Variants in ROCK1 observed in about 807,000 individuals in gnomAD.
ROCK1 encodes rho-associated protein kinase 1.
In ROCK1, 36 loss-of-function variants were observed where a neutral mutation model predicts 196.8. The observed-to-expected ratio is 0.18, with a 90% CI of 0.14 to 0.24. ROCK1 has a LOEUF of 0.24. ROCK1 is among the 10% of genes least tolerant of loss of function. The pLI, the probability that ROCK1 is intolerant of heterozygous loss-of-function variation, is 1.00. For missense variants in ROCK1, 920 were observed against 1,562.0 expected (o/e 0.59, Z 6.93); for synonymous variants, 443 against 515.9 (o/e 0.86, Z 1.91).
chr18:21,032,685 A>ATTTT (rs539290410), intron 9 of ROCK1, among the ~76,000 whole-genome samples: 1 of 126,334 alleles, frequency 7.9e-6, no homozygotes. Flanking sequence ...ATGCCTGGCT[A>ATTTT]TTTTTTTTTT....
At chr18:21,049,758 T>C in intron 3 of ROCK1, 22 bp downstream of exon 3, 1 of 1,321,268 alleles carries the variant, frequency 7.6e-7, no homozygotes, top group Non-Finnish European at 1.1e-6. Context: ...AGTCCTTTTG[T>C]ATTCTCATTA....
intron 9 of ROCK1, among the ~76,000 whole-genome samples, chr18:21,036,648 A>G (rs1598537950): frequency 6.6e-6 from 1 of 151,960 alleles, no homozygotes; most frequent in Admixed American, 6.6e-5. Context: ...GGGTCTCGCA[A>G]CATTACCCAG....
intron 16 of ROCK1, among the ~76,000 whole-genome samples, chr18:21,004,695 A>G (rs2035753999): frequency 6.6e-6 from 1 of 152,208 alleles, no homozygotes; most frequent in African/African-American, 2.4e-5. Flanking sequence ...TTATAGAGGT[A>G]ACCTATTCTT....
intron 16 of ROCK1, among the ~76,000 whole-genome samples, chr18:21,004,508 AAACT>A (rs1245622813): frequency 6.6e-6 from 1 of 152,230 alleles, no homozygotes; most frequent in East Asian, 1.9e-4. Flanking sequence ...GAAAAAGAAT[AAACT>A]AACAATAAAT....
At chr18:21,110,217 T>A (rs975667308) in intron 1 of ROCK1, among the ~76,000 whole-genome samples, 8 of 152,140 alleles carry the variant, frequency 5.3e-5, no homozygotes, top group African/African-American at 1.9e-4. Context: ...TTGTAACCAA[T>A]AATACAATAA....
intron 1 of ROCK1, among the ~76,000 whole-genome samples, chr18:21,073,878 T>C (rs2036408227): frequency 6.6e-6 from 1 of 152,174 alleles, no homozygotes; most frequent in African/African-American, 2.4e-5. Context: ...TTAGGCCAGA[T>C]GCTGTGGCTC....
In ROCK1 at chr18:20,950,242, AT is replaced by A. The variant is rs1467530358; in HGVS notation, c.*1141del. 1 of 152,338 alleles carries A rather than the reference AT, an allele frequency of 6.6e-6. No individual in the cohort carries two copies. The highest frequency in any genetic ancestry group is 2.4e-5 in the African/African-American group (1 of 41,422). The allele number at this position is 152,338 out of a possible 1,614,324, so 9.4% of individuals were successfully genotyped here. On this transcript the variant is annotated 3_prime_UTR_variant, in exon 33 of 33. Transcript: ENST00000399799. ...TTTTTATGTTGGTGCAACCTTCTAC[AT>A]TTTTTGCAGTTTTATAAAGTCATTA...
At chr18:20,961,818 CTTTT>C (rs11334095) in intron 27 of ROCK1, among the ~76,000 whole-genome samples, 14 of 117,200 alleles carry the variant, frequency 1.2e-4, no homozygotes, top group South Asian at 2.7e-4. Flanking sequence ...TTTCTTTTTC[CTTTT>C]TTTTTTTTTT....
At chr18:20,986,349 C>G (rs1190842143) in intron 19 of ROCK1, among the ~76,000 whole-genome samples, 1 of 152,178 alleles carries the variant, frequency 6.6e-6, no homozygotes, top group African/African-American at 2.4e-5. Flanking sequence ...AATATTCCCT[C>G]TAGCAAGTAA....
chr18:21,107,927 G>A lies in ROCK1; in HGVS notation c.93+2891C>T, dbSNP rs141758181. ...AAATTAGCCAGGCGTGGTAGTGCAC[G>A]CGTGTAATCCCAACTACTCGTGGGG... is the stretch of plus-strand genomic sequence containing the variant. On this transcript the variant is annotated intron_variant, in intron 1 of 32. Coordinates refer to ENST00000399799, the MANE Select transcript of ROCK1 (RefSeq NM_005406.3). Among the ~76,000 whole-genome samples, 14 of 152,116 alleles carry A rather than the reference G, an allele frequency of 9.2e-5. No homozygotes were observed. In the East Asian group the frequency reaches 1.2e-3, roughly 13 times the overall value.
rs2036749064 is a variant in ROCK1, at chr18:21,111,227, G to A, written c.-317C>T. ...GAGGTGCTTCAGTCTAGCGGGCCCC[G>A]GCCGCCGTCGCCATGGAGGGGTCCC... On this transcript the variant is annotated 5_prime_UTR_variant, in exon 1 of 33. Coordinates refer to ENST00000399799, the MANE Select transcript of ROCK1 (RefSeq NM_005406.3). This position sits in a 1 kb window ranked among gnomAD's most constrained non-coding sequence, Gnocchi z 4.2. 4.0e-6 allele frequency: 2 copies of A among 501,182 alleles called. No individual in the cohort carries two copies. Among genetic ancestry groups the A allele is most frequent in the African/African-American group, 2.0e-5 (1 of 49,836 alleles). The allele number at this position is 501,182 out of a possible 1,614,324, so 31.0% of individuals were successfully genotyped here. A position where few individuals can be genotyped will look rare whatever the true frequency, so the allele number is the denominator to read the frequency against.
chr18:21,079,254 C>A (rs921548659), intron 1 of ROCK1, among the ~76,000 whole-genome samples: 2 of 152,134 alleles, frequency 1.3e-5, no homozygotes, highest in African/African-American at 2.4e-5. Flanking sequence ...TCTTCCTCAC[C>A]TTCCTTTTCT....
chr18:20,978,155 G>C (rs1044685919), intron 22 of ROCK1, among the ~76,000 whole-genome samples: 1 of 149,446 alleles, frequency 6.7e-6, no homozygotes, highest in African/African-American at 2.5e-5. Flanking sequence ...ACAACAAAAA[G>C]TCTAAGTTTA....
At chr18:21,087,476 G>A in intron 1 of ROCK1, among the ~76,000 whole-genome samples, 1 of 152,102 alleles carries the variant, frequency 6.6e-6, no homozygotes, top group Non-Finnish European at 1.5e-5. Context: ...GTAAAAGAAT[G>A]GGAAATGATT....
intron 27 of ROCK1, among the ~76,000 whole-genome samples, chr18:20,964,918 C>T (rs1353296580): frequency 2.1e-4 from 32 of 152,118 alleles, no homozygotes; most frequent in South Asian, 2.1e-4. Context: ...CATTAGCAGT[C>T]CCACCAGCTC....
At chr18:20,994,180 T>C (rs750581532) in intron 16 of ROCK1, among the ~76,000 whole-genome samples, 4 of 152,204 alleles carry the variant, frequency 2.6e-5, no homozygotes, top group Admixed American at 1.3e-4. Context: ...AGTAAGTTCA[T>C]GTAGGAGAAA....
intron 19 of ROCK1, among the ~76,000 whole-genome samples, chr18:20,985,791 T>A (rs1266083809): frequency 6.6e-6 from 1 of 152,186 alleles, no homozygotes; most frequent in Non-Finnish European, 1.5e-5. Flanking sequence ...TTCTTTCTAG[T>A]CCATTCTATA....
intron 2 of ROCK1, among the ~76,000 whole-genome samples, chr18:21,064,872 C>G (rs1004193053): frequency 6.6e-6 from 1 of 152,228 alleles, no homozygotes; most frequent in Non-Finnish European, 1.5e-5. Context: ...GAGCACGTGT[C>G]TAACTGCGCC....
chr18:20,967,836 C>T lies in ROCK1; in HGVS notation c.3108G>A (p.Lys1036=). ...TTTCTTGGTTGAGTTCCAGTTGCAG[C>T]TTTCGATTTTCCTTTTCTTTCTTTC... is the stretch of plus-strand genomic sequence containing the variant. ...DLRKKEKENR[K]LQLELNQERE... The change falls in exon 26 of 33, where the codon AAG becomes AAA. Residue 1036 remains lysine (K), a synonymous_variant. Transcript: ENST00000399799. 6.2e-7 allele frequency: 1 copy of T among 1,610,794 alleles called. No individual in the cohort carries two copies. Among genetic ancestry groups the T allele is most frequent in the Non-Finnish European group, 8.5e-7 (1 of 1,178,680 alleles).
Sources: allele counts gnomAD v4.1 joint callset (sites outside exome capture counted in the v4.1 genomes callset), GRCh38; gene constraint gnomAD v4.1.1; non-coding constraint Gnocchi (gnomAD v3.1); transcripts MANE v1.5; gene names NCBI Gene and HGNC (gene_info 2026-07-23, HGNC 2026-07-21).